Variants in CASP10 observed in about 807,000 individuals in gnomAD.
CASP10 encodes caspase-10.
A neutral mutation model predicts 48.5 loss-of-function variants in CASP10; 41 were observed. The ratio of observed to expected loss-of-function variants is 0.85; its 90% CI spans 0.66 to 1.10. The LOEUF (loss-of-function observed/expected upper bound fraction) is 1.10, where lower values mean the gene tolerates loss of function less well. Ranked by LOEUF, CASP10 falls within the 50% of genes least tolerant of loss-of-function variation. The pLI, the probability that CASP10 is intolerant of heterozygous loss-of-function variation, is 0.00. For missense variants in CASP10, 614 were observed against 614.5 expected (o/e 1.00, Z 0.01); for synonymous variants, 232 against 238.4 (o/e 0.97, Z 0.25).
intron 1 of CASP10, among the ~76,000 whole-genome samples, 198 bp from the exon 2 acceptor site, chr2:201,185,573 A>G (rs1323711438): frequency 6.6e-6 from 1 of 152,166 alleles, no homozygotes; most frequent in Non-Finnish European, 1.5e-5. Flanking sequence ...CCTAAAAAGT[A>G]ACTTGCAAGT....
intron 6 of CASP10, among the ~76,000 whole-genome samples, chr2:201,204,339 A>G (rs979919763): frequency 6.6e-5 from 10 of 152,126 alleles, no homozygotes; most frequent in African/African-American, 2.2e-4. Flanking sequence ...AGTTTGTCAC[A>G]GACCATTCCT....
At chr2:201,184,071 T>A (rs1236839524) in intron 1 of CASP10, among the ~76,000 whole-genome samples, 1 of 152,080 alleles carries the variant, frequency 6.6e-6, no homozygotes, top group Non-Finnish European at 1.5e-5. Context: ...AATTTTTGTA[T>A]TTTTTGTAGA....
chr2:201,223,383 G>C (rs1367837062), downstream of CASP10, among the ~76,000 whole-genome samples: 1 of 152,128 alleles, frequency 6.6e-6, no homozygotes, highest in Non-Finnish European at 1.5e-5. Context: ...AGCTTGAAAG[G>C]ACCCCAATGA....
Position 201,203,902 on chromosome 2 carries a change from T to A in CASP10, c.721+136T>A. On this transcript the variant is annotated intron_variant, in intron 6 of 9. Coordinates refer to ENST00000286186, the MANE Select transcript of CASP10 (RefSeq NM_032977.4). The stretch of plus-strand genomic sequence containing the variant: ...ATGAATAATTCATTTTTTATTCCAA[T>A]TCAAGGCAAGACATTGAATGCATGG... 3 of 771,876 alleles carry A rather than the reference T, an allele frequency of 3.9e-6. No homozygotes were observed. In the South Asian group the frequency reaches 4.4e-5, roughly 11 times the overall value. 47.8% of individuals were successfully genotyped at this position (771,876 alleles called of 1,614,324 possible).
chr2:201,185,739 A>G (rs1944391821), intron 1 of CASP10, 32 bp from the exon 2 acceptor site: 3 of 1,446,208 alleles, frequency 2.1e-6, no homozygotes, highest in Admixed American at 1.7e-5. Context: ...CTCACTCTCT[A>G]ACTCCCTGCC....
At chr2:201,228,907 C>T in intron 9 of CASP10, 2 of 1,612,724 alleles carry the variant, frequency 1.2e-6, no homozygotes, top group Middle Eastern at 1.7e-4. Context: ...CAAAGTTCCC[C>T]TTTTATTTCT....
intron 9 of CASP10, among the ~76,000 whole-genome samples, chr2:201,227,941 G>A (rs962813753): frequency 2.0e-5 from 3 of 152,020 alleles, no homozygotes; most frequent in Non-Finnish European, 2.9e-5. Context: ...CACCCACAAC[G>A]CCCAAATTGC....
rs1945620712 is a variant in CASP10 at position 201,217,809 on chromosome 2, G to A, written c.*68G>A. 1.2e-6 allele frequency: 2 copies of A among 1,612,688 alleles called. No individual in the cohort carries two copies. The highest frequency in any genetic ancestry group is 1.7e-5 in the Admixed American group (1 of 59,974). ...GCTATAACCTCCAGCCTCCTGCCCA[G>A]CACAGGAATCGGTGGTCTCCACCTG... On this transcript the variant is annotated 3_prime_UTR_variant, in exon 10 of 10. Transcript: ENST00000286186.
At chr2:201,224,146 T>C (rs1203078945), downstream of CASP10, among the ~76,000 whole-genome samples, 1 of 152,056 alleles carries the variant, frequency 6.6e-6, no homozygotes, top group African/African-American at 2.4e-5. Flanking sequence ...TAATTTTTTA[T>C]ATTTTTAGTA....
Position 201,195,825 on chromosome 2 carries a change from T to G in CASP10, c.578-17T>G. 27 of 1,583,196 alleles carry G rather than the reference T, an allele frequency of 1.7e-5. No homozygotes were observed. The highest frequency in any genetic ancestry group is 2.3e-5 in the Non-Finnish European group (27 of 1,152,064). On this transcript the variant is annotated splice_polypyrimidine_tract_variant and intron_variant, in intron 4 of 9. Transcript: ENST00000286186. The stretch of plus-strand genomic sequence containing the variant: ...AGAAGGTGATTTTTATTTTTCTGTC[T>G]GTGATTTTATTTTCAGCTATCCAGA...
intron 5 of CASP10, among the ~76,000 whole-genome samples, chr2:201,203,252 C>A (rs1291230645): frequency 6.6e-6 from 1 of 151,932 alleles, no homozygotes; most frequent in Non-Finnish European, 1.5e-5. Context: ...CTTTGTGAAC[C>A]TTCTCCTTTG....
chr2:201,215,210 G>GGTTTTTT (rs1945529751), intron 9 of CASP10, among the ~76,000 whole-genome samples: 1 of 75,248 alleles, frequency 1.3e-5, no homozygotes, highest in African/African-American at 5.2e-5. Context: ...CTCTTCCCTC[G>GGTTTTTT]GTTTTTTTTT....
intron 8 of CASP10, among the ~76,000 whole-genome samples, chr2:201,208,761 C>T (rs189221574): frequency 6.6e-6 from 1 of 152,100 alleles, no homozygotes; most frequent in Non-Finnish European, 1.5e-5. Context: ...TCACTGCAAC[C>T]TCTGCCTCCC....
intron 5 of CASP10, 72 bp downstream of exon 5, chr2:201,196,020 C>T (rs1458685078): frequency 9.8e-7 from 1 of 1,015,242 alleles, no homozygotes; most frequent in Non-Finnish European, 1.5e-6. Context: ...CCTGCCACCC[C>T]AAAAAAGAAA....
intron 9 of CASP10, among the ~76,000 whole-genome samples, chr2:201,227,783 T>C (rs1279255899): frequency 6.6e-6 from 1 of 151,738 alleles, no homozygotes; most frequent in African/African-American, 2.4e-5. Flanking sequence ...ATGGTGTTGA[T>C]CTCCTGACCT....
downstream of CASP10, among the ~76,000 whole-genome samples, chr2:201,223,686 T>C (rs1490252731): frequency 6.6e-6 from 1 of 152,228 alleles, no homozygotes; most frequent in Non-Finnish European, 1.5e-5. Context: ...TTTTTTCTGT[T>C]AGGGTTTCAG....
At chr2:201,193,477 G>A in intron 4 of CASP10, 1 of 313,504 alleles carries the variant, frequency 3.2e-6, no homozygotes, top group South Asian at 2.8e-5. Context: ...CAAAATGCTG[G>A]GATTATAGGT....
At chr2:201,223,609 G>A (rs1945751707), downstream of CASP10, among the ~76,000 whole-genome samples, 1 of 152,080 alleles carries the variant, frequency 6.6e-6, no homozygotes, top group Non-Finnish European at 1.5e-5. Flanking sequence ...CTAAACTCCG[G>A]AGCCATACCA....
At chr2:201,213,415 CTTG>C (rs1306557094) in intron 9 of CASP10, 2 of 152,048 alleles carry the variant, frequency 1.3e-5, no homozygotes, top group East Asian at 1.9e-4. Context: ...GTTAGTGTTC[CTTG>C]TTGTGTTGTG....
Sources: allele counts gnomAD v4.1 joint callset (sites outside exome capture counted in the v4.1 genomes callset), GRCh38; gene constraint gnomAD v4.1.1; transcripts MANE v1.5; gene names NCBI Gene and HGNC (gene_info 2026-07-23, HGNC 2026-07-21).